STAT5B: variants seen among roughly 807,000 people sequenced by gnomAD.
The protein encoded by STAT5B is signal transducer and activator of transcription 5B.
In STAT5B, 21 loss-of-function variants were observed where a neutral mutation model predicts 107.8. The observed-to-expected ratio is 0.19, with a 90% confidence interval of 0.14 to 0.28. The LOEUF (loss-of-function observed/expected upper bound fraction) is 0.28. STAT5B is among the 10% of genes least tolerant of loss of function. The pLI is 1.00. For missense variants in STAT5B, 565 were observed against 1,008.2 expected (o/e 0.56, Z 5.95); for synonymous variants, 325 against 401.7 (o/e 0.81, Z 2.28).
chr17:42,221,899 G>A (rs1170682202), intron 5 of STAT5B, among the ~76,000 whole-genome samples: 1 of 150,234 alleles, frequency 6.7e-6, no homozygotes, highest in African/African-American at 2.4e-5. Flanking sequence ...AGCATGTGCT[G>A]TGTGTGTGTG....
chr17:42,240,575 T>C (rs554646456), intron 1 of STAT5B, among the ~76,000 whole-genome samples: 1 of 152,290 alleles, frequency 6.6e-6, no homozygotes, highest in South Asian at 2.1e-4. Flanking sequence ...GTGGTGATAA[T>C]TGTATAACTC....
chr17:42,279,353 GC>G (rs1567682898), upstream of STAT5B, among the ~76,000 whole-genome samples: 1 of 152,170 alleles, frequency 6.6e-6, no homozygotes, highest in Non-Finnish European at 1.5e-5. Context: ...CATGTAAAGT[GC>G]TTCACTGTAA....
intron 2 of STAT5B, among the ~76,000 whole-genome samples, chr17:42,230,354 T>A (rs2080307836): frequency 6.6e-6 from 1 of 152,180 alleles, no homozygotes; most frequent in Non-Finnish European, 1.5e-5. Flanking sequence ...GACCCATGGC[T>A]AAGACGGTGA....
intron 1 of STAT5B, among the ~76,000 whole-genome samples, chr17:42,251,307 C>A (rs2080497554): frequency 2.0e-5 from 3 of 152,232 alleles, no homozygotes; most frequent in Middle Eastern, 6.8e-3. Context: ...TAGATCCTGA[C>A]CACTTGTGGT....
chr17:42,279,784 A>G (rs999412064), upstream of STAT5B, among the ~76,000 whole-genome samples: 1 of 151,042 alleles, frequency 6.6e-6, no homozygotes, highest in African/African-American at 2.4e-5. Flanking sequence ...CTGGGCAGCA[A>G]GAGCAAAACT....
Position 42,223,470 on chromosome 17 carries a change from G to C in STAT5B, c.462C>G (p.Val154=). The C allele has an allele frequency of 6.2e-7, 1 of 1,614,154 alleles. No individual in the cohort carries two copies. Among genetic ancestry groups the C allele is most frequent in the Non-Finnish European group, 8.5e-7 (1 of 1,180,020 alleles). ...INQTFEELRL[V]TQDTENELKK... is the part of the protein sequence containing the mutation. ...TTAACTCATTCTCTGTGTCCTGCGT[G>C]ACCAGTCGCAGCTCCTCAAACGTCT... Residue 154 remains valine (V), a synonymous_variant, in exon 5 of 19, where the codon GTC becomes GTG. Coordinates refer to ENST00000293328, the MANE Select transcript of STAT5B (RefSeq NM_012448.4).
intron 18 of STAT5B, 61 bp downstream of exon 18, chr17:42,202,279 T>C (rs2080051110): frequency 6.3e-7 from 1 of 1,597,876 alleles, no homozygotes; most frequent in South Asian, 1.1e-5. Flanking sequence ...CCTCCAGGGG[T>C]CCAGCCTGGG....
intron 1 of STAT5B, among the ~76,000 whole-genome samples, chr17:42,244,457 T>C (rs1304686312): frequency 6.6e-6 from 1 of 152,114 alleles, no homozygotes; most frequent in Non-Finnish European, 1.5e-5. Context: ...TCTTAGAATC[T>C]GTCTCTTGGA....
intron 1 of STAT5B, among the ~76,000 whole-genome samples, chr17:42,261,617 G>C (rs1183984607): frequency 1.3e-5 from 2 of 152,074 alleles, no homozygotes; most frequent in Non-Finnish European, 2.9e-5. Flanking sequence ...CTGGAGTGCA[G>C]TGGTGCAATC....
At chr17:42,286,037 T>G in the STAT5B span, among the ~76,000 whole-genome samples, 1 of 151,800 alleles carries the variant, frequency 6.6e-6, no homozygotes, top group Non-Finnish European at 1.5e-5. Flanking sequence ...CTGACCAACA[T>G]GGAGAAACAC....
At position 42,200,634 on chromosome 17, in the gene STAT5B, G is replaced by A. The variant is rs539396877; in HGVS notation, c.*1104C>T. 9.0e-4 allele frequency: 139 copies of A among 154,230 alleles called. No individual in the cohort carries two copies. Among genetic ancestry groups the A allele is most frequent in the African/African-American group, 3.2e-3 (132 of 41,658 alleles). The allele number at this position is 154,230 out of a possible 1,614,324, so 9.6% of individuals were successfully genotyped here. ...CTTCAAGACATTAGGTGTGAACAGAGAAGGGGAATGAGGTGACCTGGGTTT... is the reference window on the plus strand; with the variant it reads ...CTTCAAGACATTAGGTGTGAACAGAAAAGGGGAATGAGGTGACCTGGGTTT... On this transcript the variant is annotated 3_prime_UTR_variant, in exon 19 of 19. Coordinates refer to ENST00000293328, the MANE Select transcript of STAT5B (RefSeq NM_012448.4).
chr17:42,256,861 CAAAAAAA>C (rs781345676), intron 1 of STAT5B, among the ~76,000 whole-genome samples: 21 of 44,810 alleles, frequency 4.7e-4, no homozygotes, highest in African/African-American at 1.1e-3. Flanking sequence ...GACTCTGTCT[CAAAAAAA>C]AAAAAAAAAA....
At chr17:42,231,928 G>T (rs2080320731) in intron 2 of STAT5B, 72 bp downstream of exon 2, 16 of 1,596,984 alleles carry the variant, frequency 1.0e-5, no homozygotes, top group Non-Finnish European at 1.4e-5. Context: ...TTGCCATCAT[G>T]ACATCTTTCT....
At chr17:42,251,207 T>C (rs2080496785) in intron 1 of STAT5B, among the ~76,000 whole-genome samples, 2 of 152,074 alleles carry the variant, frequency 1.3e-5, no homozygotes, top group South Asian at 4.1e-4. Flanking sequence ...AATCAGAAAT[T>C]AGCCAAAAGC....
chr17:42,278,139 C>T (rs2080779207), upstream of STAT5B, among the ~76,000 whole-genome samples: 1 of 152,170 alleles, frequency 6.6e-6, no homozygotes, highest in South Asian at 2.1e-4. Flanking sequence ...TGATGTCTGC[C>T]CTTCGGTGAC....
chr17:42,206,878 C>CTT (rs78288666), intron 16 of STAT5B, among the ~76,000 whole-genome samples: 9 of 132,522 alleles, frequency 6.8e-5, no homozygotes, highest in African/African-American at 1.1e-4. Flanking sequence ...CCCGACCTTC[C>CTT]TTTTTTTTTT....
intron 9 of STAT5B, chr17:42,217,842 T>G: frequency 2.3e-6 from 1 of 443,116 alleles, no homozygotes; most frequent in South Asian, 2.1e-5. Flanking sequence ...GTGGCTGGGA[T>G]TACAGGTGCC....
At chr17:42,261,237 T>C (rs764914234) in intron 1 of STAT5B, among the ~76,000 whole-genome samples, 2 of 152,068 alleles carry the variant, frequency 1.3e-5, no homozygotes, top group African/African-American at 2.4e-5. Context: ...TAAACGAGAT[T>C]ATCATGTTTT....
chr17:42,209,336 T>A (rs1392394744), intron 15 of STAT5B, among the ~76,000 whole-genome samples: 1 of 152,186 alleles, frequency 6.6e-6, no homozygotes, highest in African/African-American at 2.4e-5. Flanking sequence ...ATTACAGGCA[T>A]GAGCCACCGC....
Sources: gnomAD v4.1 joint callset for allele counts (sites outside exome capture counted in the v4.1 genomes callset) on GRCh38, gnomAD v4.1.1 for gene constraint, MANE v1.5 for transcripts, NCBI Gene and HGNC (gene_info 2026-07-23, HGNC 2026-07-21) for gene names.